Variants in EFCAB6 observed in about 807,000 individuals in gnomAD.
EFCAB6 encodes EF-hand calcium-binding domain-containing protein 6.
A neutral mutation model predicts 169.8 loss-of-function variants in EFCAB6; 156 were observed. The observed-to-expected ratio is 0.92, with a 90% CI of 0.81 to 1.05. The LOEUF is 1.05. EFCAB6 is among the 50% of genes least tolerant of loss of function. The probability of loss-of-function intolerance (pLI) is 0.00; values close to 1 mark genes in which losing one functional copy is unlikely to be tolerated. For missense variants in EFCAB6, 1,800 were observed against 1,829.1 expected (o/e 0.98, Z 0.29); for synonymous variants, 698 against 676.4 (o/e 1.03, Z -0.50).
At chr22:43,696,651 A>G (rs542136232) in intron 10 of EFCAB6, among the ~76,000 whole-genome samples, 1 of 152,338 alleles carries the variant, frequency 6.6e-6, no homozygotes, top group South Asian at 2.1e-4. Flanking sequence ...ATGCAACAAC[A>G]TGGATCAATC....
At chr22:43,736,243 CAGTA>C (rs2060133948) in intron 6 of EFCAB6, among the ~76,000 whole-genome samples, 1 of 152,116 alleles carries the variant, frequency 6.6e-6, no homozygotes, top group Admixed American at 6.5e-5. Context: ...TCATGTAAAG[CAGTA>C]AGTCTCATAC....
chr22:43,554,441 C>A (rs935749180), intron 27 of EFCAB6: 9 of 175,862 alleles, frequency 5.1e-5, no homozygotes, highest in Non-Finnish European at 9.7e-5. Context: ...GCCCCTTGCA[C>A]TCTTGCAACA....
chr22:43,581,009 C>T (rs763587159), intron 24 of EFCAB6, among the ~76,000 whole-genome samples: 1 of 152,144 alleles, frequency 6.6e-6, no homozygotes, highest in Non-Finnish European at 1.5e-5. Flanking sequence ...GGCCCTATGA[C>T]GGGGGCACGT....
intron 7 of EFCAB6, among the ~76,000 whole-genome samples, chr22:43,734,556 ACT>A (rs1248189791): frequency 1.3e-5 from 2 of 152,222 alleles, no homozygotes; most frequent in African/African-American, 4.8e-5. Flanking sequence ...CAAATAAAAC[ACT>A]GTTTTGTTTT....
chr22:43,608,191 G>A (rs1300163113), intron 22 of EFCAB6, among the ~76,000 whole-genome samples: 1 of 152,142 alleles, frequency 6.6e-6, no homozygotes, highest in South Asian at 2.1e-4. Flanking sequence ...GTAAAGGTCT[G>A]GGCTTGAGCT....
intron 5 of EFCAB6, chr22:43,759,885 T>C (rs578197492): frequency 6.6e-6 from 1 of 152,312 alleles, no homozygotes; most frequent in East Asian, 1.9e-4. Context: ...ATGTTATCAA[T>C]GGCATTAAGT....
chr22:43,621,861 T>G (rs1476571258), intron 20 of EFCAB6, among the ~76,000 whole-genome samples: 1 of 152,188 alleles, frequency 6.6e-6, no homozygotes, highest in African/African-American at 2.4e-5. Context: ...GGAATCTCAC[T>G]AAATACTTCA....
chr22:43,558,040 TA>T, intron 26 of EFCAB6, among the ~76,000 whole-genome samples: 1 of 152,356 alleles, frequency 6.6e-6, no homozygotes, highest in East Asian at 1.9e-4. Context: ...CTGTAAAGAT[TA>T]TATTAAATGG....
intron 27 of EFCAB6, chr22:43,551,907 A>C (rs923332991): frequency 7.6e-5 from 11 of 144,458 alleles, no homozygotes; most frequent in Admixed American, 2.1e-4. Context: ...GGCTCACTGC[A>C]ACCTCTGCCT....
At chr22:43,591,404 C>T (rs1051873042) in intron 23 of EFCAB6, among the ~76,000 whole-genome samples, 1 of 146,572 alleles carries the variant, frequency 6.8e-6, no homozygotes, top group Non-Finnish European at 1.5e-5. Context: ...TTGCAATGAG[C>T]GGAGATCATG....
intron 10 of EFCAB6, among the ~76,000 whole-genome samples, chr22:43,703,499 T>C (rs2058839607): frequency 6.6e-6 from 1 of 151,554 alleles, no homozygotes; most frequent in South Asian, 2.1e-4. Flanking sequence ...GCTCCAACAA[T>C]GGACCCTAAA....
intron 20 of EFCAB6, among the ~76,000 whole-genome samples, chr22:43,624,377 C>CATCAGTA (rs2054344367): frequency 6.6e-6 from 1 of 152,132 alleles, no homozygotes; most frequent in South Asian, 2.1e-4. Flanking sequence ...CCATAGCATA[C>CATCAGTA]GGCCTCCCCT....
At chr22:43,576,267 G>C in intron 26 of EFCAB6, 30 bp downstream of exon 26, 4 of 1,541,696 alleles carry the variant, frequency 2.6e-6, no homozygotes, top group Non-Finnish European at 3.5e-6. Flanking sequence ...CATTTTCAAA[G>C]AGATGCTTAT....
Position 43,585,272 on chromosome 22 carries a change from G to T in EFCAB6, c.3033-4613C>A, listed in dbSNP as rs550473584. Among the ~76,000 whole-genome samples the T allele has an allele frequency of 1.8e-4, 27 of 150,560 alleles. No homozygotes were observed. The South Asian group carries it at 5.9e-3, about 33-fold the overall frequency. On this transcript the variant is annotated intron_variant, in intron 24 of 31. Transcript: ENST00000262726. ...AATCAGAGATGGAAACTCTAAGAAA[G>T]AATTAAAAGAAAATGCCAGAAATTA...
intron 21 of EFCAB6, among the ~76,000 whole-genome samples, chr22:43,612,825 C>T (rs1054358256): frequency 2.0e-5 from 3 of 151,068 alleles, no homozygotes; most frequent in South Asian, 2.1e-4. Context: ...ACCTGGGCGG[C>T]GGAGGTTGCA....
chr22:43,784,500 A>ATAT (rs537634099), intron 2 of EFCAB6, among the ~76,000 whole-genome samples: 1 of 72,128 alleles, frequency 1.4e-5, no homozygotes, highest in Admixed American at 1.9e-4. Context: ...AAAAAAAAAA[A>ATAT]AAATATATAT....
At position 43,628,420 on chromosome 22, in the gene EFCAB6, C is replaced by T. The variant is rs938256003; in HGVS notation, c.2233-1741G>A. 1.3e-5 allele frequency among the ~76,000 whole-genome samples: 2 copies of T among 152,186 alleles called. No individual in the cohort carries two copies. Among genetic ancestry groups the T allele is most frequent in the Admixed American group, 6.5e-5 (1 of 15,282 alleles). On this transcript the variant is annotated intron_variant, in intron 19 of 31. Transcript: ENST00000262726. The surrounding 1 kb of genome is among the most constrained non-coding windows in gnomAD (Gnocchi z 4.8). ...GGTCGCTGGAGTCCTGCAGGAACCT[C>T]GTGATGGCTCCCAGCTGCCATCGTC... is the stretch of plus-strand genomic sequence containing the variant.
chr22:43,649,060 G>A (rs1199475196), intron 17 of EFCAB6, among the ~76,000 whole-genome samples: 2 of 152,160 alleles, frequency 1.3e-5, no homozygotes, highest in African/African-American at 2.4e-5. Context: ...TTTGGGAGCT[G>A]GGAGAATAGA....
At chr22:43,592,617 G>C (rs2051643792) in intron 23 of EFCAB6, among the ~76,000 whole-genome samples, 1 of 152,162 alleles carries the variant, frequency 6.6e-6, no homozygotes. Flanking sequence ...AACGGTGTCA[G>C]CCGACACTCC....
Sources: allele counts gnomAD v4.1 joint callset (sites outside exome capture counted in the v4.1 genomes callset), GRCh38; gene constraint gnomAD v4.1.1; non-coding constraint Gnocchi (gnomAD v3.1); transcripts MANE v1.5; gene names NCBI Gene and HGNC (gene_info 2026-07-23, HGNC 2026-07-21).